The following INPP5F variants were observed in gnomAD, a reference collection of about 807,000 sequenced individuals.
The protein encoded by INPP5F is phosphatidylinositide 4-phosphatase SAC2.
Under a neutral mutation model 137.2 loss-of-function variants are expected in INPP5F, and 97 were observed. That is an observed-to-expected ratio of 0.71 (90% confidence interval 0.60 to 0.84). The LOEUF (loss-of-function observed/expected upper bound fraction) is 0.84. Among genes scored for constraint, INPP5F ranks in the 40% least tolerant of loss-of-function variants. The pLI is 0.00. For synonymous variants in INPP5F, 504 were observed against 476.9 expected, an observed-to-expected ratio of 1.06 and a Z score of -0.74; for missense variants, 1,271 against 1,371.9, an observed-to-expected ratio of 0.93 and a Z score of 1.16.
chr10:119,745,776 C>T (rs1236756863), intron 1 of INPP5F, among the ~76,000 whole-genome samples: 1 of 144,888 alleles, frequency 6.9e-6, no homozygotes. Flanking sequence ...GTGATCTCGG[C>T]TCACTGCAAC....
chr10:119,802,536 A>T (rs556116669), intron 9 of INPP5F, among the ~76,000 whole-genome samples: 2 of 152,328 alleles, frequency 1.3e-5, no homozygotes, highest in Non-Finnish European at 2.9e-5. Flanking sequence ...AGCTGTTTTC[A>T]TTTAAGGTCT....
At chr10:119,814,760 T>C (rs1405535334) in intron 15 of INPP5F, 2 of 152,292 alleles carry the variant, frequency 1.3e-5, no homozygotes, top group African/African-American at 4.8e-5. Flanking sequence ...GCTTTGCCTT[T>C]AGATGCTAAC....
chr10:119,758,375 C>T (rs542402579), intron 2 of INPP5F, among the ~76,000 whole-genome samples: 5 of 152,136 alleles, frequency 3.3e-5, no homozygotes, highest in East Asian at 1.9e-4. Context: ...GCAAAAGGCC[C>T]GGTTCTTGGC....
intron 13 of INPP5F, among the ~76,000 whole-genome samples, chr10:119,808,846 G>A (rs1850909845): frequency 6.6e-6 from 1 of 152,146 alleles, no homozygotes; most frequent in Non-Finnish European, 1.5e-5. Context: ...GTACCATCAA[G>A]GACTTAACAA....
At chr10:119,727,660 CTA>C (rs1589653584) in intron 1 of INPP5F, among the ~76,000 whole-genome samples, 2 of 152,256 alleles carry the variant, frequency 1.3e-5, no homozygotes, top group African/African-American at 2.4e-5. Context: ...CAGGCTCTGT[CTA>C]TATTTTCTTG....
chr10:119,824,345 ATCTTG>A (rs1455200965), intron 19 of INPP5F, among the ~76,000 whole-genome samples: 1 of 152,118 alleles, frequency 6.6e-6, no homozygotes, highest in Non-Finnish European at 1.5e-5. Flanking sequence ...TATTTCCTCA[ATCTTG>A]TCTTTTCTTT....
chr10:119,754,086 C>G (rs980331235), intron 2 of INPP5F, among the ~76,000 whole-genome samples: 2 of 152,252 alleles, frequency 1.3e-5, no homozygotes, highest in African/African-American at 2.4e-5. Context: ...CCTGTAATAA[C>G]TGGAAACTGA....
At chr10:119,810,289 T>C in intron 14 of INPP5F, 72 bp downstream of exon 14, 3 of 766,244 alleles carry the variant, frequency 3.9e-6, no homozygotes, top group East Asian at 2.5e-5. Flanking sequence ...AGAAACCAGC[T>C]TCATTAACAT....
intron 9 of INPP5F, among the ~76,000 whole-genome samples, chr10:119,800,226 GTGTA>G (rs1348836410): frequency 1.3e-5 from 2 of 152,008 alleles, no homozygotes; most frequent in African/African-American, 2.4e-5. Context: ...AGATTTTTCA[GTGTA>G]TGTATGACAA....
At chr10:119,763,532 A>G (rs17617988) in intron 2 of INPP5F, among the ~76,000 whole-genome samples, 7,760 of 152,286 alleles carry the variant, frequency 0.051, 292 homozygotes, top group Admixed American at 0.1. Context: ...AGGAAGACTG[A>G]TAGCCATCCT....
chr10:119,730,749 T>C (rs1275738000), intron 1 of INPP5F, among the ~76,000 whole-genome samples: 2 of 151,868 alleles, frequency 1.3e-5, no homozygotes. Flanking sequence ...ACATAGAAAC[T>C]GTATATGGAA....
At position 119,826,749 on chromosome 10, in the gene INPP5F, C is replaced by T. The variant is rs1398021102; in HGVS notation, c.2368C>T (p.Gln790Ter). Reference sequence around the variant, plus strand: ...TTCATCTCTAAATCAAAAAGTGAAGCAGACCAAATCCAATGTAAATATTGG... The same window carrying T: ...TTCATCTCTAAATCAAAAAGTGAAGTAGACCAAATCCAATGTAAATATTGG... ...KFSSLNQKVK[Q>*]TKSNVNIGNL... Residue 790 changes from glutamine to a stop codon, truncating the protein, a stop_gained, in exon 20 of 20, where the codon CAG becomes TAG. Coordinates refer to ENST00000650623, the MANE Select transcript of INPP5F (RefSeq NM_014937.4). LOFTEE classifies it high-confidence loss of function. 1 of 1,613,480 alleles carries T rather than the reference C, an allele frequency of 6.2e-7. No homozygotes were observed. The highest frequency in any genetic ancestry group is 8.5e-7 in the Non-Finnish European group (1 of 1,179,842).
At position 119,726,201 on chromosome 10, in the gene INPP5F, C is replaced by A; in HGVS notation, c.-62C>A. 2 of 1,109,928 alleles carry A rather than the reference C, an allele frequency of 1.8e-6. No individual in the cohort carries two copies. The highest frequency in any genetic ancestry group is 2.4e-6 in the Non-Finnish European group (2 of 847,012). The allele number at this position is 1,109,928 out of a possible 1,614,324, so 68.8% of individuals were successfully genotyped here. A position where few individuals can be genotyped will look rare whatever the true frequency, so the allele number is the denominator to read the frequency against. ...GAGGCGCGGGCTCTGGCGGCCTCGA[C>A]CGACTAGGACGCCCCGTGCGCCGCC... On this transcript the variant is annotated 5_prime_UTR_variant, in exon 1 of 20. Transcript: ENST00000650623.
intron 3 of INPP5F, among the ~76,000 whole-genome samples, chr10:119,785,683 A>AC (rs1849884374): frequency 6.6e-6 from 1 of 151,854 alleles, no homozygotes; most frequent in Non-Finnish European, 1.5e-5. Flanking sequence ...ACATAGCAAG[A>AC]CCCTGTCTCT....
intron 3 of INPP5F, 46 bp from the exon 4 acceptor site, chr10:119,791,471 C>G (rs1430556459): frequency 2.0e-6 from 3 of 1,482,494 alleles, no homozygotes; most frequent in South Asian, 2.3e-5. Context: ...GAACATTTAA[C>G]AAACAGGTAT....
chr10:119,773,456 A>G (rs147420726), intron 2 of INPP5F, among the ~76,000 whole-genome samples: 22 of 152,328 alleles, frequency 1.4e-4, no homozygotes, highest in African/African-American at 4.8e-4. Context: ...CCGTCACTCA[A>G]ATAGTGAACA....
At chr10:119,800,745 A>C (rs1850559187) in intron 9 of INPP5F, among the ~76,000 whole-genome samples, 1 of 151,964 alleles carries the variant, frequency 6.6e-6, no homozygotes, top group Admixed American at 6.5e-5. Flanking sequence ...TAACATAAAA[A>C]AGTTAAGAAG....
intron 14 of INPP5F, among the ~76,000 whole-genome samples, chr10:119,810,946 A>G (rs142692711): frequency 3.9e-5 from 6 of 152,328 alleles, no homozygotes; most frequent in African/African-American, 1.2e-4. Context: ...GACACAGGCC[A>G]CTTAGGAATT....
intron 10 of INPP5F, among the ~76,000 whole-genome samples, chr10:119,804,964 T>A (rs899147386): frequency 5.9e-5 from 9 of 152,172 alleles, no homozygotes; most frequent in African/African-American, 2.2e-4. Context: ...TGACCTCAAG[T>A]CATCCGCCCA....
Sources: gnomAD v4.1 joint callset for allele counts (sites outside exome capture counted in the v4.1 genomes callset) on GRCh38, gnomAD v4.1.1 for gene constraint, MANE v1.5 for transcripts, NCBI Gene and HGNC (gene_info 2026-07-23, HGNC 2026-07-21) for gene names.